The following ATP6V1H variants were observed in gnomAD, a reference collection of about 807,000 sequenced individuals.
ATP6V1H encodes the protein V-type proton ATPase subunit H.
A neutral mutation model predicts 71.7 loss-of-function variants in ATP6V1H; 39 were observed. The ratio of observed to expected loss-of-function variants is 0.54; its 90% CI spans 0.42 to 0.71. The LOEUF (loss-of-function observed/expected upper bound fraction) is 0.71, where lower values mean the gene tolerates loss of function less well. ATP6V1H is among the 30% of genes least tolerant of loss of function. The pLI is 0.00. For missense variants in ATP6V1H, 509 were observed against 594.9 expected, an observed-to-expected ratio of 0.86 and a Z score of 1.50; for synonymous variants, 192 against 199.3, an observed-to-expected ratio of 0.96 and a Z score of 0.31.
intron 11 of ATP6V1H, among the ~76,000 whole-genome samples, chr8:53,767,416 TGTA>T (rs1358016229): frequency 2.0e-5 from 3 of 152,212 alleles, no homozygotes; most frequent in Non-Finnish European, 4.4e-5. Flanking sequence ...TTTTAAAAGT[TGTA>T]GTAAAGTATA....
intron 2 of ATP6V1H, among the ~76,000 whole-genome samples, chr8:53,839,161 C>T (rs1811268214): frequency 6.6e-6 from 1 of 152,204 alleles, no homozygotes; most frequent in Non-Finnish European, 1.5e-5. Context: ...ATTTTAAAAG[C>T]TCCATGTAAC....
intron 4 of ATP6V1H, among the ~76,000 whole-genome samples, chr8:53,818,345 G>A (rs1194918815): frequency 6.6e-6 from 1 of 151,816 alleles, no homozygotes; most frequent in Non-Finnish European, 1.5e-5. Context: ...GTGATTTGTG[G>A]GTCATAATAC....
chr8:53,744,915 C>T (rs1215865168), intron 12 of ATP6V1H, among the ~76,000 whole-genome samples: 1 of 152,134 alleles, frequency 6.6e-6, no homozygotes. Flanking sequence ...ATCTTCACAG[C>T]GTTGCTGTGA....
intron 13 of ATP6V1H, 100 bp from the exon 14 acceptor site, chr8:53,716,124 A>G: frequency 2.3e-6 from 2 of 863,542 alleles, no homozygotes; most frequent in Non-Finnish European, 3.5e-6. Flanking sequence ...TACTTACTTT[A>G]ACATCCAAAA....
chr8:53,822,379 T>C (rs1243428719), intron 4 of ATP6V1H, among the ~76,000 whole-genome samples: 1 of 151,796 alleles, frequency 6.6e-6, no homozygotes, highest in Non-Finnish European at 1.5e-5. Context: ...AAGTAAAAAA[T>C]AGCCACTAAA....
At chr8:53,777,473 A>G in intron 9 of ATP6V1H, among the ~76,000 whole-genome samples, 1 of 152,122 alleles carries the variant, frequency 6.6e-6, no homozygotes, top group African/African-American at 2.4e-5. Context: ...CGATATCTTG[A>G]AAGTACCGAA....
At chr8:53,716,117 T>C in intron 13 of ATP6V1H, 93 bp from the exon 14 acceptor site, 1 of 927,288 alleles carries the variant, frequency 1.1e-6, no homozygotes, top group Non-Finnish European at 1.6e-6. Context: ...TCATATATAC[T>C]TACTTTAACA....
At chr8:53,733,537 A>G (rs527573490) in intron 13 of ATP6V1H, among the ~76,000 whole-genome samples, 21 of 152,364 alleles carry the variant, frequency 1.4e-4, no homozygotes, top group African/African-American at 4.3e-4. Flanking sequence ...AAGGTGTCCA[A>G]AAAGAAAGCT....
chr8:53,742,624 A>G (rs1157348448), intron 13 of ATP6V1H, among the ~76,000 whole-genome samples: 2 of 152,216 alleles, frequency 1.3e-5, no homozygotes, highest in Non-Finnish European at 2.9e-5. Context: ...AAGCACTTGT[A>G]AGAATTTACA....
intron 11 of ATP6V1H, among the ~76,000 whole-genome samples, chr8:53,767,018 G>C (rs1767563366): frequency 6.6e-6 from 1 of 152,032 alleles, no homozygotes; most frequent in Non-Finnish European, 1.5e-5. Context: ...ATAAAAACTT[G>C]CTGGTTTTTG....
At position 53,715,900 on chromosome 8, in the gene ATP6V1H, C is replaced by T. The variant is rs1002573112; in HGVS notation, c.*64G>A. 2 of 1,442,900 alleles carry T rather than the reference C, an allele frequency of 1.4e-6. No individual in the cohort carries two copies. Among genetic ancestry groups the T allele is most frequent in the Non-Finnish European group, 1.9e-6 (2 of 1,043,178 alleles). 89.4% of individuals were successfully genotyped at this position (1,442,900 alleles called of 1,614,324 possible). ...AAAATCAAACAGTGTTCACTCTTAACTCTAAACACAGTGCTCCCACTACTG... is the reference window on the plus strand; with the variant it reads ...AAAATCAAACAGTGTTCACTCTTAATTCTAAACACAGTGCTCCCACTACTG... On this transcript the variant is annotated 3_prime_UTR_variant, in exon 14 of 14. Transcript: ENST00000359530.
intron 5 of ATP6V1H, among the ~76,000 whole-genome samples, chr8:53,815,556 G>C (rs1810421199): frequency 6.6e-6 from 1 of 152,182 alleles, no homozygotes; most frequent in Admixed American, 6.5e-5. Flanking sequence ...ACACTTCCAA[G>C]GTCAGAATGT....
At chr8:53,817,609 C>T in intron 4 of ATP6V1H, 79 bp from the exon 5 acceptor site, 1 of 824,946 alleles carries the variant, frequency 1.2e-6, no homozygotes, top group Non-Finnish European at 1.9e-6. Flanking sequence ...CACTTCTCAA[C>T]CTCCCATCAG....
At chr8:53,733,181 C>T (rs1333810244) in intron 13 of ATP6V1H, among the ~76,000 whole-genome samples, 1 of 152,228 alleles carries the variant, frequency 6.6e-6, no homozygotes, top group Non-Finnish European at 1.5e-5. Flanking sequence ...CTGCCGCCAG[C>T]TGCTCATGTA....
rs141204235 is a variant in ATP6V1H, at chr8:53,791,322, T to A, written c.870+4325A>T. Among the ~76,000 whole-genome samples the A allele has an allele frequency of 3.5e-3, 533 of 152,336 alleles. 3 individuals carry two copies. The highest frequency in any genetic ancestry group is 0.012 in the African/African-American group (491 of 41,568). ...CTTCAGTGAGTGATGCCCAAGAGTG[T>A]GAGCACAAGTTAGTGTCAGGTGATA... is the stretch of plus-strand genomic sequence containing the variant. On this transcript the variant is annotated intron_variant, in intron 9 of 13. Transcript: ENST00000359530.
Position 53,795,855 on chromosome 8 carries a change from AC to A in ATP6V1H, c.678-17del, listed in dbSNP as rs1225543512. 1.3e-6 allele frequency: 2 copies of A among 1,572,478 alleles called. No individual in the cohort carries two copies. Among genetic ancestry groups the A allele is most frequent in the Non-Finnish European group, 1.7e-6 (2 of 1,164,306 alleles). ...TCCCATTATGCTGAAAAACAAACAAACAAAAAAAACACATTTACAAAACATT... is the reference window on the plus strand; with the variant it reads ...TCCCATTATGCTGAAAAACAAACAAAAAAAAAAACACATTTACAAAACATT... On this transcript the variant is annotated splice_polypyrimidine_tract_variant and intron_variant, in intron 8 of 13. Coordinates refer to ENST00000359530, the MANE Select transcript of ATP6V1H (RefSeq NM_015941.4).
chr8:53,816,389 C>T (rs1810450698), intron 5 of ATP6V1H, among the ~76,000 whole-genome samples: 1 of 152,232 alleles, frequency 6.6e-6, no homozygotes, highest in African/African-American at 2.4e-5. Flanking sequence ...GTAGCCCACT[C>T]CCCAGTGGAA....
At position 53,843,183 on chromosome 8, in the gene ATP6V1H, C is replaced by G. The variant is rs1413961966; in HGVS notation, c.-185G>C. 6.6e-6 allele frequency: 1 copy of G among 152,398 alleles called. No homozygotes were observed. The highest frequency in any genetic ancestry group is 1.5e-5 in the Non-Finnish European group (1 of 68,192). The allele number at this position is 152,398 out of a possible 1,614,324, so 9.4% of individuals were successfully genotyped here. A position where few individuals can be genotyped will look rare whatever the true frequency, so the allele number is the denominator to read the frequency against. ...GAGGTCTGAGCAGTGGAGGGAGACT[C>G]CGGGAGCCGAAAGTGAAGCGGGTCC... On this transcript the variant is annotated 5_prime_UTR_variant, in exon 1 of 14. Transcript: ENST00000359530.
At chr8:53,809,920 A>G (rs1238080740) in intron 7 of ATP6V1H, among the ~76,000 whole-genome samples, 1 of 152,154 alleles carries the variant, frequency 6.6e-6, no homozygotes, top group Non-Finnish European at 1.5e-5. Flanking sequence ...TTCTGATTCC[A>G]CTTCAGAAGG....
Sources: gnomAD v4.1 joint callset for allele counts (sites outside exome capture counted in the v4.1 genomes callset) on GRCh38, gnomAD v4.1.1 for gene constraint, MANE v1.5 for transcripts, NCBI Gene and HGNC (gene_info 2026-07-23, HGNC 2026-07-21) for gene names.